ZNF423: variants seen among roughly 807,000 people sequenced by gnomAD.
ZNF423 encodes Ebf-associated zinc finger protein.
A neutral mutation model predicts 95.8 loss-of-function variants in ZNF423; 12 were observed. The ratio of observed to expected loss-of-function variants is 0.13; its 90% CI spans 0.08 to 0.20. ZNF423 has a LOEUF of 0.20. Ranked by LOEUF, ZNF423 falls within the 10% of genes least tolerant of loss-of-function variation. The pLI, the probability that ZNF423 is intolerant of heterozygous loss-of-function variation, is 1.00. For synonymous variants in ZNF423, 749 were observed against 711.9 expected (o/e 1.05, Z -0.83); for missense variants, 1,316 against 1,737.1 (o/e 0.76, Z 4.31).
At chr16:49,551,975 C>T (rs909477471) in intron 5 of ZNF423, among the ~76,000 whole-genome samples, 1 of 152,226 alleles carries the variant, frequency 6.6e-6, no homozygotes, top group Non-Finnish European at 1.5e-5. Context: ...TGTGCATGCA[C>T]TCATGCGCTT....
intron 1 of ZNF423, among the ~76,000 whole-genome samples, chr16:49,821,095 T>G (rs2034933076): frequency 6.6e-6 from 1 of 152,208 alleles, no homozygotes; most frequent in Non-Finnish European, 1.5e-5. Flanking sequence ...CCTGTTCACT[T>G]TCAAAGCCAC....
Position 49,779,137 on chromosome 16 carries a change from C to T in ZNF423, c.100+10350G>A, listed in dbSNP as rs531215254. ...TGCATCTTGGCAGACATTTGCCAGG[C>T]ACCTGCCAACTGCCAAGCCAGGGCT... On this transcript the variant is annotated intron_variant, in intron 2 of 7. Transcript: ENST00000563137. Among the ~76,000 whole-genome samples the T allele has an allele frequency of 3.3e-5, 5 of 152,172 alleles. No homozygotes were observed. In the South Asian group the frequency reaches 8.3e-4, roughly 25 times the overall value.
intron 1 of ZNF423, among the ~76,000 whole-genome samples, chr16:49,800,054 G>GC (rs759463948): frequency 1.3e-5 from 2 of 152,108 alleles, no homozygotes; most frequent in East Asian, 3.9e-4. Context: ...GACCAGCCTG[G>GC]CCAACATGGC....
upstream of ZNF423, among the ~76,000 whole-genome samples, chr16:49,856,948 C>T (rs1342545501): frequency 6.9e-6 from 1 of 144,694 alleles, no homozygotes; most frequent in Non-Finnish European, 1.5e-5. Context: ...GGCTCCCGTC[C>T]TCCTGGGCAG....
intron 5 of ZNF423, among the ~76,000 whole-genome samples, chr16:49,535,165 A>G (rs1328249080): frequency 1.3e-5 from 2 of 152,176 alleles, no homozygotes; most frequent in African/African-American, 4.8e-5. Flanking sequence ...TCAGAGCCCA[A>G]AAACCGCAGA....
At chr16:49,679,999 T>C (rs921924261) in intron 3 of ZNF423, among the ~76,000 whole-genome samples, 1 of 152,164 alleles carries the variant, frequency 6.6e-6, no homozygotes, top group African/African-American at 2.4e-5. Context: ...CAGGACAACC[T>C]ACCTGTGGAA....
At chr16:49,497,111 G>A (rs997544017) in intron 7 of ZNF423, among the ~76,000 whole-genome samples, 9 of 152,254 alleles carry the variant, frequency 5.9e-5, no homozygotes, top group African/African-American at 2.2e-4. Context: ...CCCACCCTCA[G>A]GAACAGAATG....
chr16:49,806,543 G>T (rs1186473843), intron 1 of ZNF423, among the ~76,000 whole-genome samples: 4 of 152,182 alleles, frequency 2.6e-5, no homozygotes, highest in Non-Finnish European at 5.9e-5. Context: ...ATAAATGTCA[G>T]TTCCTGGTTA....
At position 49,502,160 on chromosome 16, in the gene ZNF423, G is replaced by A. The variant is rs574291926; in HGVS notation, c.3850-10856C>T. ...TCGGGCCACCAGCTTGAGACCTCTG[G>A]GGTTGGTGAGGGCCTCGAGAAGCCC... On this transcript the variant is annotated intron_variant, in intron 7 of 7. Coordinates refer to ENST00000563137, the MANE Select transcript of ZNF423 (RefSeq NM_001379286.1). Among the ~76,000 whole-genome samples, 3 of 152,322 alleles carry A rather than the reference G, an allele frequency of 2.0e-5. No homozygotes were observed. In the East Asian group the frequency reaches 5.8e-4, roughly 29 times the overall value.
At chr16:49,605,434 C>T (rs1427715816) in intron 5 of ZNF423, among the ~76,000 whole-genome samples, 2 of 152,320 alleles carry the variant, frequency 1.3e-5, no homozygotes, top group East Asian at 3.9e-4. Flanking sequence ...ACCACTTAGT[C>T]GTGAAGCTTC....
chr16:49,770,199 T>TGAAG (rs1018434287), intron 2 of ZNF423, among the ~76,000 whole-genome samples: 2 of 93,296 alleles, frequency 2.1e-5, no homozygotes, highest in Admixed American at 2.5e-4. Context: ...AATAAAAGAA[T>TGAAG]GAACGAATGA....
chr16:49,826,545 C>T (rs1376130718), intron 1 of ZNF423, among the ~76,000 whole-genome samples: 1 of 152,198 alleles, frequency 6.6e-6, no homozygotes, highest in Non-Finnish European at 1.5e-5. Context: ...CCCTCCCTAA[C>T]CCTGTTCCTT....
chr16:49,734,471 G>C (rs2033239146), intron 2 of ZNF423, among the ~76,000 whole-genome samples: 1 of 152,250 alleles, frequency 6.6e-6, no homozygotes, highest in Non-Finnish European at 1.5e-5. Context: ...AACTTCAACA[G>C]GCCGAGGAGA....
At position 49,510,034 on chromosome 16, in the gene ZNF423, C is replaced by T. The variant is rs1429259327; in HGVS notation, c.3849+13590G>A. ...CAGGGTTGCAGGTTCAGCTCTGCCA[C>T]TTACCAGCCGTGGGACACGACATCA... On this transcript the variant is annotated intron_variant, in intron 7 of 7. Transcript: ENST00000563137. 2.0e-5 allele frequency among the ~76,000 whole-genome samples: 3 copies of T among 152,360 alleles called. No homozygotes were observed. The East Asian group carries it at 5.8e-4, about 29-fold the overall frequency.
intron 5 of ZNF423, among the ~76,000 whole-genome samples, chr16:49,604,443 C>T (rs767508061): frequency 9.9e-5 from 15 of 152,048 alleles, no homozygotes; most frequent in Non-Finnish European, 1.9e-4. Flanking sequence ...ATCTAGTTGG[C>T]CCACGGGCAC....
intron 7 of ZNF423, among the ~76,000 whole-genome samples, chr16:49,498,501 G>A (rs1034292993): frequency 1.3e-5 from 2 of 152,248 alleles, no homozygotes; most frequent in Non-Finnish European, 2.9e-5. Flanking sequence ...GCCAGACGAG[G>A]CAGCTTGCCC....
intron 3 of ZNF423, among the ~76,000 whole-genome samples, chr16:49,705,729 G>A (rs1377352899): frequency 1.3e-5 from 2 of 152,096 alleles, no homozygotes; most frequent in African/African-American, 4.8e-5. Flanking sequence ...TGTCTTTTTA[G>A]TAGAGATGGG....
intron 3 of ZNF423, among the ~76,000 whole-genome samples, chr16:49,692,965 C>T (rs115336414): frequency 2.1e-3 from 316 of 152,284 alleles, no homozygotes; most frequent in African/African-American, 7.2e-3. Flanking sequence ...CTTGAATGAA[C>T]GAGTGAAAAG....
At chr16:49,757,372 A>C (rs758093587) in intron 2 of ZNF423, among the ~76,000 whole-genome samples, 61 of 152,182 alleles carry the variant, frequency 4.0e-4, no homozygotes, top group Non-Finnish European at 6.8e-4. Flanking sequence ...TAAAACCACT[A>C]TCCTGTTCCC....
Sources: allele counts gnomAD v4.1 joint callset (sites outside exome capture counted in the v4.1 genomes callset), GRCh38; gene constraint gnomAD v4.1.1; transcripts MANE v1.5; gene names NCBI Gene and HGNC (gene_info 2026-07-23, HGNC 2026-07-21).